The following CASR variants were observed in gnomAD, a reference collection of about 807,000 sequenced individuals.
CASR encodes the protein extracellular calcium-sensing receptor.
A neutral mutation model predicts 69.1 loss-of-function variants in CASR; 23 were observed. That is an observed-to-expected ratio of 0.33 (90% CI 0.24 to 0.47). CASR has a LOEUF of 0.47. CASR is among the 20% of genes least tolerant of loss of function. The pLI is 1.00. For synonymous variants in CASR, 541 were observed against 544.7 expected (o/e 0.99, Z 0.10); for missense variants, 924 against 1,356.1 (o/e 0.68, Z 5.00).
intron 1 of CASR, among the ~76,000 whole-genome samples, chr3:122,199,066 A>T (rs1471255067): frequency 1.3e-5 from 2 of 152,204 alleles, no homozygotes; most frequent in African/African-American, 2.4e-5. Flanking sequence ...TACTTGTGTT[A>T]CTGTAATGCA....
intron 1 of CASR, among the ~76,000 whole-genome samples, chr3:122,224,708 G>C (rs2074205797): frequency 6.6e-6 from 1 of 152,008 alleles, no homozygotes; most frequent in Non-Finnish European, 1.5e-5. Flanking sequence ...AATTCACGTA[G>C]AACCAAAAAA....
At chr3:122,247,124 C>G (rs540788173) in intron 1 of CASR, 1 of 152,318 alleles carries the variant, frequency 6.6e-6, no homozygotes, top group Non-Finnish European at 1.5e-5. Context: ...ACTCAGTCAG[C>G]CCTTCCAAGC....
intron 1 of CASR, among the ~76,000 whole-genome samples, chr3:122,225,267 AAC>A (rs760645185): frequency 1.3e-5 from 2 of 152,156 alleles, no homozygotes; most frequent in Non-Finnish European, 2.9e-5. Context: ...CAAAACTATC[AAC>A]AGAGTAAACA....
chr3:122,223,457 G>GAT (rs1180108975), intron 1 of CASR, among the ~76,000 whole-genome samples: 1 of 152,036 alleles, frequency 6.6e-6, no homozygotes, highest in Non-Finnish European at 1.5e-5. Context: ...AGAAGAAATG[G>GAT]ATAAAATCCT....
intron 1 of CASR, among the ~76,000 whole-genome samples, chr3:122,244,717 G>T (rs2074410219): frequency 6.6e-6 from 1 of 151,852 alleles, no homozygotes; most frequent in African/African-American, 2.4e-5. Flanking sequence ...TGTATGATTT[G>T]TGCATATCTG....
rs150537232 is a variant in CASR at position 122,204,940 on chromosome 3, G to A, written c.-243+21128G>A. Among the ~76,000 whole-genome samples, 16 of 151,752 alleles carry A rather than the reference G, an allele frequency of 1.1e-4. 1 individual carries two copies. Among genetic ancestry groups the A allele is most frequent in the Admixed American group, 9.2e-4 (14 of 15,244 alleles). ...TTGCATTATTCATTTTTTTGCTATT[G>A]AGTTGTTTTGAGTTCTTTATATATT... On this transcript the variant is annotated intron_variant, in intron 1 of 6. Transcript: ENST00000639785.
At position 122,189,215 on chromosome 3, in the gene CASR, A is replaced by G. The variant is rs372521246; in HGVS notation, c.-243+5403A>G. Among the ~76,000 whole-genome samples the G allele has an allele frequency of 1.9e-4, 29 of 152,326 alleles. 1 individual carries two copies. The highest frequency in any genetic ancestry group is 7.7e-4 in the East Asian group (4 of 5,180). ...TTCTATCTCTGACCTTCAGCATGAC[A>G]TTAACCTAGCTGAGCCTCAGTTTTT... On this transcript the variant is annotated intron_variant, in intron 1 of 6. Coordinates refer to ENST00000639785, the MANE Select transcript of CASR (RefSeq NM_000388.4).
chr3:122,272,347 C>T (rs1391993957), intron 4 of CASR, among the ~76,000 whole-genome samples: 1 of 152,186 alleles, frequency 6.6e-6, no homozygotes, highest in Non-Finnish European at 1.5e-5. Context: ...TACTTATCTT[C>T]TGTATTTCCC....
intron 1 of CASR, among the ~76,000 whole-genome samples, chr3:122,192,137 G>GGAAT (rs1255919689): frequency 6.6e-6 from 1 of 152,148 alleles, no homozygotes; most frequent in Non-Finnish European, 1.5e-5. Context: ...CAATAATAAG[G>GGAAT]GAATGGTTAA....
chr3:122,188,214 T>C (rs2073805410), intron 1 of CASR, among the ~76,000 whole-genome samples: 1 of 152,184 alleles, frequency 6.6e-6, no homozygotes, highest in Admixed American at 6.5e-5. Context: ...ATTTAGATAA[T>C]GGTAATGATG....
intron 3 of CASR, 111 bp from the exon 4 acceptor site, chr3:122,261,417 A>G: frequency 1.1e-6 from 1 of 910,938 alleles, no homozygotes. Flanking sequence ...CATAGTTGAT[A>G]AATGAGACCA....
At chr3:122,220,344 T>A (rs1219841742) in intron 1 of CASR, among the ~76,000 whole-genome samples, 2 of 152,226 alleles carry the variant, frequency 1.3e-5, no homozygotes, top group African/African-American at 4.8e-5. Context: ...AATTTGGCAA[T>A]TTATCCCAAC....
intron 1 of CASR, among the ~76,000 whole-genome samples, chr3:122,196,139 A>G (rs1239299413): frequency 6.6e-6 from 1 of 152,188 alleles, no homozygotes; most frequent in Non-Finnish European, 1.5e-5. Flanking sequence ...CCAAGTAGTA[A>G]TTATAAATAA....
chr3:122,221,508 A>C (rs907778329), intron 1 of CASR, among the ~76,000 whole-genome samples: 1 of 152,220 alleles, frequency 6.6e-6, no homozygotes, highest in South Asian at 2.1e-4. Flanking sequence ...AATATGAAAA[A>C]ATGAAACTGA....
At chr3:122,279,960 C>A (rs1386602563) in intron 5 of CASR, among the ~76,000 whole-genome samples, 1 of 152,144 alleles carries the variant, frequency 6.6e-6, no homozygotes, top group Admixed American at 6.5e-5. Flanking sequence ...ACCCCACTAC[C>A]CTTTCCCAAC....
At chr3:122,190,899 G>T (rs1392383273) in intron 1 of CASR, among the ~76,000 whole-genome samples, 1 of 152,192 alleles carries the variant, frequency 6.6e-6, no homozygotes, top group Admixed American at 6.5e-5. Context: ...GGAAACCAGG[G>T]TACTGAAAGG....
intron 4 of CASR, among the ~76,000 whole-genome samples, chr3:122,265,618 G>A (rs1349308826): frequency 6.6e-6 from 1 of 152,232 alleles, no homozygotes; most frequent in African/African-American, 2.4e-5. Context: ...GCAGGGAACC[G>A]TTTGAGCCAA....
At chr3:122,205,059 G>A (rs1040831720) in intron 1 of CASR, among the ~76,000 whole-genome samples, 8 of 152,084 alleles carry the variant, frequency 5.3e-5, no homozygotes, top group African/African-American at 1.9e-4. Flanking sequence ...TTCTTTTGCT[G>A]TAAAGAAGCT....
rs1481596893 is a variant in CASR at position 122,275,711 on chromosome 3, T to C, written c.1378-101T>C. The C allele has an allele frequency of 8.5e-6, 7 of 824,590 alleles. No homozygotes were observed. The Admixed American group carries it at 1.3e-4, about 15-fold the overall frequency. 51.1% of individuals were successfully genotyped at this position (824,590 alleles called of 1,614,324 possible). On this transcript the variant is annotated intron_variant, in intron 4 of 6. Transcript: ENST00000639785. ...CTCAAGTCACGTTCCTCCCACTTTG[T>C]TGGAACAAGATAGTCTACCGTTGTT...
Sources: allele counts gnomAD v4.1 joint callset (sites outside exome capture counted in the v4.1 genomes callset), GRCh38; gene constraint gnomAD v4.1.1; transcripts MANE v1.5; gene names NCBI Gene and HGNC (gene_info 2026-07-23, HGNC 2026-07-21).